Variants in PPP1R12B observed in about 807,000 individuals in gnomAD.
The protein encoded by PPP1R12B is protein phosphatase 1 regulatory subunit 12B, also known as myosin phosphatase target subunit 2.
In PPP1R12B, 76 loss-of-function variants were observed where a neutral mutation model predicts 126.1. The observed-to-expected ratio is 0.60, with a 90% confidence interval of 0.50 to 0.73. The LOEUF is 0.73. Ranked by LOEUF, PPP1R12B falls within the 30% of genes least tolerant of loss-of-function variation. The probability of loss-of-function intolerance (pLI) is 0.00; values close to 1 mark genes in which losing one functional copy is unlikely to be tolerated. For missense variants in PPP1R12B, 1,052 were observed against 1,205.1 expected (o/e 0.87, Z 1.88); for synonymous variants, 356 against 434.7 (o/e 0.82, Z 2.25).
intron 13 of PPP1R12B, among the ~76,000 whole-genome samples, chr1:202,488,043 T>A (rs947495090): frequency 6.6e-6 from 1 of 152,196 alleles, no homozygotes; most frequent in African/African-American, 2.4e-5. Context: ...ACAATAATAC[T>A]AATAACTAAT....
At chr1:202,381,606 C>T (rs2148490412) in intron 1 of PPP1R12B, among the ~76,000 whole-genome samples, 1 of 152,220 alleles carries the variant, frequency 6.6e-6, no homozygotes, top group East Asian at 1.9e-4. Flanking sequence ...ATATTCAACT[C>T]TAAGAGCTTT....
At chr1:202,353,513 GT>G (rs1018087917) in intron 1 of PPP1R12B, among the ~76,000 whole-genome samples, 45 of 134,182 alleles carry the variant, frequency 3.4e-4, no homozygotes, top group East Asian at 1.1e-3. Flanking sequence ...TGTCTGTGTG[GT>G]TTTTTTTTTT....
chr1:202,503,660 G>A (rs1680467954), intron 18 of PPP1R12B, among the ~76,000 whole-genome samples: 1 of 152,168 alleles, frequency 6.6e-6, no homozygotes, highest in African/African-American at 2.4e-5. Context: ...AATCAGCAAA[G>A]GAAACTGAGC....
chr1:202,580,448 T>G, intron 23 of PPP1R12B, 26 bp from the exon 24 acceptor site: 1 of 1,595,422 alleles, frequency 6.3e-7, no homozygotes, highest in Non-Finnish European at 8.6e-7. Flanking sequence ...AGGCTCTAAC[T>G]CACCTTTCCC....
At chr1:202,563,993 A>C (rs1377856136) in intron 20 of PPP1R12B, among the ~76,000 whole-genome samples, 1 of 152,064 alleles carries the variant, frequency 6.6e-6, no homozygotes, top group Non-Finnish European at 1.5e-5. Flanking sequence ...CTGGGAGTTC[A>C]AGGCTGCAGT....
At chr1:202,350,608 T>C (rs1258949485) in intron 1 of PPP1R12B, among the ~76,000 whole-genome samples, 3 of 151,658 alleles carry the variant, frequency 2.0e-5, no homozygotes, top group South Asian at 2.1e-4. Flanking sequence ...TGAATTCTTG[T>C]TTTTCTTTTT....
At position 202,562,807 on chromosome 1, in the gene PPP1R12B, C is replaced by T; in HGVS notation, c.2537C>T (p.Thr846Ile). The change falls in exon 20 of 24, where the codon ACC becomes ATC. Residue 846 changes from threonine (T) to isoleucine (I), a missense_variant. Thr to Ile is a moderately conservative substitution (Grantham distance 89). Transcript: ENST00000608999. ...GAATCGGGAGGTAGTAATCCTACAA[C>T]CAGTGATTCTTACGGTGACCGGGCT... is the stretch of plus-strand genomic sequence containing the variant. ...RLESGGSNPT[T>I]SDSYGDRASA... The T allele has an allele frequency of 6.2e-7, 1 of 1,612,742 alleles. No homozygotes were observed. Among genetic ancestry groups the T allele is most frequent in the Non-Finnish European group, 8.5e-7 (1 of 1,179,340 alleles).
In PPP1R12B at chr1:202,571,626, T is replaced by C. The variant is rs189331125; in HGVS notation, c.2862+2429T>C. Among the ~76,000 whole-genome samples, 653 of 152,304 alleles carry C rather than the reference T, an allele frequency of 4.3e-3. 3 individuals carry two copies. Among genetic ancestry groups the C allele is most frequent in the African/African-American group, 0.015 (624 of 41,562 alleles). The stretch of plus-strand genomic sequence containing the variant: ...GTGCCACCACACCCAGTTAATTTTT[T>C]TGTATTTTTAGTAGAGACAGGGTTT... On this transcript the variant is annotated intron_variant, in intron 23 of 23. Transcript: ENST00000608999.
At chr1:202,428,677 G>A in intron 5 of PPP1R12B, 178 bp from the exon 6 acceptor site, 1 of 569,766 alleles carries the variant, frequency 1.8e-6, no homozygotes. Flanking sequence ...GGTGTTTCTT[G>A]TTATGTGTCC....
Position 202,567,933 on chromosome 1 carries a change from G to A in PPP1R12B, c.2811+102G>A, listed in dbSNP as rs144443910. The A allele has an allele frequency of 5.5e-5, 76 of 1,388,856 alleles. No individual in the cohort carries two copies. The East Asian group carries it at 1.8e-3, about 33-fold the overall frequency. 86.0% of individuals were successfully genotyped at this position (1,388,856 alleles called of 1,614,324 possible). ...CAATGGAAAAAGTCCATCTTAAGAA[G>A]GAGGGAGTTCTGCCACATTCCATTC... is the stretch of plus-strand genomic sequence containing the variant. On this transcript the variant is annotated intron_variant, in intron 22 of 23. Transcript: ENST00000608999.
At chr1:202,422,579 A>G in intron 2 of PPP1R12B, 41 bp from the exon 3 acceptor site, 4 of 1,590,454 alleles carry the variant, frequency 2.5e-6, no homozygotes, top group Non-Finnish European at 2.6e-6. Context: ...AATTTATATT[A>G]GATTGACAGA....
intron 18 of PPP1R12B, among the ~76,000 whole-genome samples, chr1:202,511,218 T>C (rs1681459446): frequency 6.6e-6 from 1 of 150,514 alleles, no homozygotes; most frequent in African/African-American, 2.5e-5. Flanking sequence ...GTACCCACTA[T>C]GTAGTTTTTT....
intron 1 of PPP1R12B, among the ~76,000 whole-genome samples, chr1:202,408,983 G>A (rs1364458085): frequency 1.3e-5 from 2 of 149,402 alleles, no homozygotes; most frequent in African/African-American, 2.5e-5. Flanking sequence ...GATTACAGGC[G>A]CATGCCACCA....
intron 13 of PPP1R12B, among the ~76,000 whole-genome samples, chr1:202,470,950 C>T (rs1037056611): frequency 2.0e-5 from 3 of 150,584 alleles, no homozygotes; most frequent in African/African-American, 7.3e-5. Flanking sequence ...ATATCACAAA[C>T]ACCCAATCTC....
At chr1:202,529,472 G>A (rs554797385) in intron 18 of PPP1R12B, among the ~76,000 whole-genome samples, 5 of 152,140 alleles carry the variant, frequency 3.3e-5, no homozygotes, top group Admixed American at 6.5e-5. Flanking sequence ...TTTTCGTAGG[G>A]CCTTTTCCTT....
chr1:202,475,746 A>G (rs945427082), intron 13 of PPP1R12B, among the ~76,000 whole-genome samples: 4 of 152,184 alleles, frequency 2.6e-5, no homozygotes, highest in Non-Finnish European at 4.4e-5. Flanking sequence ...TCTTGAATTC[A>G]TAAAGTCTGT....
intron 10 of PPP1R12B, chr1:202,439,203 C>A (rs1002422231): frequency 2.0e-6 from 3 of 1,468,000 alleles, no homozygotes; most frequent in South Asian, 1.1e-5. Context: ...TACTGCGCAG[C>A]CCTGTGCTCC....
intron 2 of PPP1R12B, among the ~76,000 whole-genome samples, chr1:202,422,110 T>A (rs1316509609): frequency 6.6e-6 from 1 of 152,256 alleles, no homozygotes; most frequent in Non-Finnish European, 1.5e-5. Context: ...TTTAATTATT[T>A]AACATTTTAA....
chr1:202,459,793 G>A (rs1674088458), intron 13 of PPP1R12B, among the ~76,000 whole-genome samples: 1 of 152,150 alleles, frequency 6.6e-6, no homozygotes, highest in Admixed American at 6.5e-5. Context: ...TTTTGACTCA[G>A]GGGCCAGTCC....
Sources: allele counts gnomAD v4.1 joint callset (sites outside exome capture counted in the v4.1 genomes callset), GRCh38; gene constraint gnomAD v4.1.1; transcripts MANE v1.5; gene names NCBI Gene and HGNC (gene_info 2026-07-23, HGNC 2026-07-21).